GLYATL3: variants seen among roughly 807,000 people sequenced by gnomAD.
GLYATL3 encodes the protein glycine-N-acyltransferase like 3, also known as glycine N-acyltransferase-like protein 3.
Under a neutral mutation model 28.5 loss-of-function variants are expected in GLYATL3, and 31 were observed. That is an observed-to-expected ratio of 1.09 (90% CI 0.82 to 1.47). The LOEUF (loss-of-function observed/expected upper bound fraction) is 1.47. GLYATL3 is among the 40% of genes most tolerant of loss of function. The probability of loss-of-function intolerance (pLI) is 0.00; values close to 1 mark genes in which losing one functional copy is unlikely to be tolerated. For missense variants in GLYATL3, 369 were observed against 351.5 expected (o/e 1.05, Z -0.40); for synonymous variants, 141 against 140.2 (o/e 1.01, Z -0.04).
chr6:49,523,548 C>T (rs550327953), intron 5 of GLYATL3, among the ~76,000 whole-genome samples: 2 of 152,160 alleles, frequency 1.3e-5, no homozygotes, highest in African/African-American at 2.4e-5. Flanking sequence ...TGGTAGCCCC[C>T]CTCCAGATCC....
rs1233471391 is a variant in GLYATL3, at chr6:49,515,686, A to T, written c.112A>T (p.Asn38Tyr). The T allele has an allele frequency of 6.4e-7, 1 of 1,551,138 alleles. No homozygotes were observed. Among genetic ancestry groups the T allele is most frequent in the Non-Finnish European group, 8.7e-7 (1 of 1,146,470 alleles). Residue 38 changes from asparagine to tyrosine, a missense_variant, in exon 3 of 6, where the codon AAC becomes TAC. Physicochemically the swap from Asn to Tyr is moderately radical, Grantham distance 143 (BLOSUM62 -2). Transcript: ENST00000371197. ...AGCGGTGATGAACATAAATCGTGGG[A>T]ACCCCTTTCAAAAGGAAGTGGTGTT... ...YGAVMNINRGNPFQKEVVLDS... is the reference protein window; with the variant it reads ...YGAVMNINRGYPFQKEVVLDS...
intron 1 of GLYATL3, among the ~76,000 whole-genome samples, chr6:49,508,587 CA>C (rs1769058193): frequency 6.6e-6 from 1 of 152,152 alleles, no homozygotes; most frequent in African/African-American, 2.4e-5. Flanking sequence ...AGGCTCTCCA[CA>C]ACGGTCGCAT....
rs190724509 is a variant in GLYATL3, at chr6:49,517,611, A to G, written c.313+55A>G. ...CAGTCTTTTTTTTCCTCCTTAGCAT[A>G]TATCCAGATAGTTATAGATATTTCA... On this transcript the variant is annotated intron_variant, in intron 4 of 5. Coordinates refer to ENST00000371197, the MANE Select transcript of GLYATL3 (RefSeq NM_001010904.2). 1,651 of 1,314,600 alleles carry G rather than the reference A, an allele frequency of 1.3e-3. 12 individuals carry two copies. Among genetic ancestry groups the G allele is most frequent in the African/African-American group, 7.7e-3 (519 of 67,484 alleles). The allele number at this position is 1,314,600 out of a possible 1,614,324, so 81.4% of individuals were successfully genotyped here.
chr6:49,506,702 G>A (rs1769016916), intron 1 of GLYATL3, among the ~76,000 whole-genome samples: 1 of 152,048 alleles, frequency 6.6e-6, no homozygotes, highest in African/African-American at 2.4e-5. Flanking sequence ...GTTCCATGGA[G>A]ACAAGGACGG....
At chr6:49,515,850 A>T in intron 3 of GLYATL3, 90 bp downstream of exon 3, 2 of 728,256 alleles carry the variant, frequency 2.7e-6, no homozygotes, top group Non-Finnish European at 2.4e-6. Context: ...GTAGCCATTT[A>T]CATTAGCTTA....
rs909231426 is a variant in GLYATL3, at chr6:49,521,741, C to T, written c.410C>T (p.Pro137Leu). The T allele has an allele frequency of 2.6e-6, 4 of 1,551,302 alleles. No homozygotes were observed. The African/African-American group carries it at 4.1e-5, about 16-fold the overall frequency. ...LTSFKAVHFS[P>L]VSSLPDTSFL... is the part of the protein sequence containing the mutation. ...TCCTTCAAGGCTGTTCATTTTTCTC[C>T]TGTTTCATCTCTGCCAGATACCAGT... The change falls in exon 5 of 6, where the codon CCT (proline) becomes CTT (leucine). Residue 137 changes from proline (P) to leucine (L), a missense_variant. Coordinates refer to ENST00000371197, the MANE Select transcript of GLYATL3 (RefSeq NM_001010904.2).
At chr6:49,513,543 T>A (rs1440366723) in intron 2 of GLYATL3, among the ~76,000 whole-genome samples, 1 of 152,214 alleles carries the variant, frequency 6.6e-6, no homozygotes, top group Non-Finnish European at 1.5e-5. Flanking sequence ...ATGTATAGTT[T>A]CCTCATGTGA....
intron 4 of GLYATL3, among the ~76,000 whole-genome samples, chr6:49,519,393 C>T (rs1302237162): frequency 3.9e-5 from 6 of 152,168 alleles, no homozygotes; most frequent in African/African-American, 1.4e-4. Context: ...TCATTTAGCA[C>T]ATAAGTCAGC....
intron 4 of GLYATL3, among the ~76,000 whole-genome samples, chr6:49,519,321 AGG>A (rs766965079): frequency 6.6e-5 from 10 of 152,158 alleles, no homozygotes; most frequent in Non-Finnish European, 1.0e-4. Flanking sequence ...TTCTTTCTGA[AGG>A]TTTGGTGGGG....
At chr6:49,508,031 A>T (rs1412293998) in intron 1 of GLYATL3, among the ~76,000 whole-genome samples, 1 of 152,154 alleles carries the variant, frequency 6.6e-6, no homozygotes, top group East Asian at 1.9e-4. Flanking sequence ...GTAATTTCTA[A>T]CAGAGCTTTA....
chr6:49,515,994 G>T (rs527994422), intron 3 of GLYATL3, among the ~76,000 whole-genome samples: 1 of 145,542 alleles, frequency 6.9e-6, no homozygotes, highest in African/African-American at 2.5e-5. Context: ...GAGTGCAGTG[G>T]CATGATCTCA....
intron 5 of GLYATL3, among the ~76,000 whole-genome samples, chr6:49,525,560 C>CAAAAAAAAAAAAAAAAAAAAAAAAA (rs56711143): frequency 1.5e-5 from 1 of 66,594 alleles, no homozygotes; most frequent in African/African-American, 6.5e-5. Flanking sequence ...GCAAGGCTCT[C>CAAAAAAAAAAAAAAAAAAAAAAAAA]AAAAAAAAAA....
intron 4 of GLYATL3, among the ~76,000 whole-genome samples, chr6:49,520,085 G>A (rs1769286570): frequency 6.6e-6 from 1 of 152,192 alleles, no homozygotes; most frequent in East Asian, 1.9e-4. Context: ...TGGGAAAGGA[G>A]AAAATCATTT....
At chr6:49,512,488 A>C (rs1769142886) in intron 2 of GLYATL3, among the ~76,000 whole-genome samples, 1 of 151,926 alleles carries the variant, frequency 6.6e-6, no homozygotes, top group Non-Finnish European at 1.5e-5. Context: ...TTTCATAGTC[A>C]CCTGGATGAC....
At chr6:49,508,365 G>A (rs1187043707) in intron 1 of GLYATL3, among the ~76,000 whole-genome samples, 1 of 152,126 alleles carries the variant, frequency 6.6e-6, no homozygotes, top group Non-Finnish European at 1.5e-5. Flanking sequence ...CCTATGATTA[G>A]CAAGATATTA....
At chr6:49,523,187 A>C (rs1168891968) in intron 5 of GLYATL3, among the ~76,000 whole-genome samples, 1 of 152,206 alleles carries the variant, frequency 6.6e-6, no homozygotes, top group African/African-American at 2.4e-5. Flanking sequence ...GAAGCCAGGC[A>C]CAAGCTTCCA....
In GLYATL3 at chr6:49,506,201, G is replaced by A. The variant is rs112648942; in HGVS notation, c.-28-5762G>A. ...CCTAAGTACAGAAAAGGAGTGGCTT[G>A]TTGAATTTTATCAGGAGCAATGTGG... On this transcript the variant is annotated intron_variant, in intron 1 of 5. Transcript: ENST00000371197. 2.7e-4 allele frequency among the ~76,000 whole-genome samples: 41 copies of A among 152,258 alleles called. No individual in the cohort carries two copies. The South Asian group carries it at 8.3e-3, about 31-fold the overall frequency.
chr6:49,512,449 C>T (rs9381792), intron 2 of GLYATL3, among the ~76,000 whole-genome samples: 1 of 151,630 alleles, frequency 6.6e-6, no homozygotes, highest in Non-Finnish European at 1.5e-5. Flanking sequence ...TCTCCCTCCC[C>T]TTTCCTCTCA....
intron 4 of GLYATL3, among the ~76,000 whole-genome samples, chr6:49,521,096 C>G (rs944964260): frequency 2.6e-5 from 4 of 152,122 alleles, no homozygotes; most frequent in African/African-American, 4.8e-5. Context: ...TATATATATA[C>G]AACACCTACT....
Sources: gnomAD v4.1 joint callset for allele counts (sites outside exome capture counted in the v4.1 genomes callset) on GRCh38, gnomAD v4.1.1 for gene constraint, MANE v1.5 for transcripts, NCBI Gene and HGNC (gene_info 2026-07-23, HGNC 2026-07-21) for gene names.